CITED1: variants seen among roughly 807,000 people sequenced by gnomAD.
CITED1 encodes the protein Cbp/p300 interacting transactivator with ED-rich tail 1.
Under a neutral mutation model 8.5 loss-of-function variants are expected in CITED1, and 3 were observed. The observed-to-expected ratio is 0.35, with a 90% CI of 0.16 to 0.91. CITED1 has a LOEUF of 0.91. CITED1 is among the 40% of genes least tolerant of loss of function. CITED1 has a pLI of 0.46. For missense variants in CITED1, 113 were observed against 154.8 expected (o/e 0.73, Z 1.43); for synonymous variants, 54 against 67.4 (o/e 0.80, Z 0.97).
At chrX:72,305,465 C>A (rs1378055412) in intron 1 of CITED1, 2 of 487,109 alleles carry the variant, frequency 4.1e-6, no homozygotes, top group African/African-American at 4.8e-5. Flanking sequence ...GCCCTCCTCG[C>A]CGCATCCCAG....
At chrX:72,302,703 G>T in intron 2 of CITED1, 107 bp downstream of exon 2, 1 of 694,696 alleles carries the variant, frequency 1.4e-6, no homozygotes, top group Non-Finnish European at 2.2e-6. Flanking sequence ...TAGTCCTGTT[G>T]TCTCCTCTCT....
rs1450127119 is a variant in CITED1 at position 72,302,065 on chromosome X, G to A, written c.240C>T (p.Pro80=). 1.7e-6 allele frequency: 2 copies of A among 1,192,754 alleles called. No individual in the cohort carries two copies. Among genetic ancestry groups the A allele is most frequent in the East Asian group, 3.0e-5 (1 of 33,051 alleles). ...GGGCGGGGTGCAGGTTGAAGGATGG[G>A]GGTTTAGTGGGAGGGGTGGTTGTAG... ...GSPTTTPPTK[P]PSFNLHPAPH... is the part of the protein sequence containing the mutation. Residue 80 remains proline (P), a synonymous_variant, in exon 3 of 3, where the codon CCC becomes CCT. Transcript: ENST00000651998.
At chrX:72,302,639 T>C (rs2043300350) in intron 2 of CITED1, among the ~76,000 whole-genome samples, 171 bp downstream of exon 2, 1 of 112,503 alleles carries the variant, frequency 8.9e-6, no homozygotes, top group Non-Finnish European at 1.9e-5. Flanking sequence ...ACACCCCTAG[T>C]GGGTTCAATC....
upstream of CITED1, chrX:72,306,954 G>T (rs913355191): frequency 9.2e-6 from 1 of 108,603 alleles, no homozygotes; most frequent in African/African-American, 3.4e-5. Context: ...TTTATAACCG[G>T]CTTAGGGCAT....
Position 72,302,817 on chromosome X carries a change from G to A in CITED1, c.53C>T (p.Ala18Val), listed in dbSNP as rs1310006723. ...TAAAATGGCAAAAATTACCTCCTTCGCAGGTGAGGTGCCACCCTTGACATC... is the reference window on the plus strand; with the variant it reads ...TAAAATGGCAAAAATTACCTCCTTCACAGGTGAGGTGCCACCCTTGACATC... ...ALDVKGGTSP[A>V]KEDANQEMSS... The change falls in exon 2 of 3, where the codon GCG becomes GTG. Residue 18 changes from alanine to valine, a missense_variant. Coordinates refer to ENST00000651998, the MANE Select transcript of CITED1 (RefSeq NM_001144887.2). 5.0e-6 allele frequency: 6 copies of A among 1,206,977 alleles called. No homozygotes were observed. The highest frequency in any genetic ancestry group is 3.0e-5 in the East Asian group (1 of 33,744).
rs762105728 is a variant in CITED1, at chrX:72,302,228, A to G, written c.77T>C (p.Met26Thr). Residue 26 changes from methionine (M) to threonine (T), a missense_variant, in exon 3 of 3, where the codon ATG becomes ACG. Physicochemically the swap from Met to Thr is moderately conservative, Grantham distance 81. Transcript: ENST00000651998. Reference sequence around the variant, plus strand: ...AAGGTTGGAGTAGGCCACGGAGCTCATCTCTTGGTTGGCATCCTAGAAGAC... The same window carrying G: ...AAGGTTGGAGTAGGCCACGGAGCTCGTCTCTTGGTTGGCATCCTAGAAGAC... ...SPAKEDANQEMSSVAYSNLAV... is the reference protein window; with the variant it reads ...SPAKEDANQETSSVAYSNLAV... 8.3e-7 allele frequency: 1 copy of G among 1,206,125 alleles called. No individual in the cohort carries two copies. Among genetic ancestry groups the G allele is most frequent in the Non-Finnish European group, 1.1e-6 (1 of 891,986 alleles).
At position 72,302,919 on chromosome X, in the gene CITED1, A is replaced by C. The variant is rs1602478365; in HGVS notation, c.-50T>G. On this transcript the variant is annotated 5_prime_UTR_variant, in exon 2 of 3. Coordinates refer to ENST00000651998, the MANE Select transcript of CITED1 (RefSeq NM_001144887.2). ...TAAATTGGCGGGAAGTGATGCTGCC[A>C]GCTGGAGCTGTTGTGCTGCAAGTGA... 1 of 1,210,457 alleles carries C rather than the reference A, an allele frequency of 8.3e-7. No individual in the cohort carries two copies. The highest frequency in any genetic ancestry group is 1.7e-5 in the African/African-American group (1 of 57,979).
chrX:72,305,128 C>T (rs913022868), intron 1 of CITED1, among the ~76,000 whole-genome samples: 2 of 112,552 alleles, frequency 1.8e-5, no homozygotes, highest in African/African-American at 6.5e-5. Flanking sequence ...GGCGGCCCCC[C>T]GGCCACCAGT....
intron 1 of CITED1, chrX:72,305,369 G>A: frequency 2.8e-6 from 3 of 1,085,319 alleles, no homozygotes; most frequent in Non-Finnish European, 2.5e-6. Flanking sequence ...AAACAGCACT[G>A]CGGCTTGGCT....
At chrX:72,306,031 T>C (rs1203504795), upstream of CITED1, 1 of 111,384 alleles carries the variant, frequency 9.0e-6, no homozygotes, top group Non-Finnish European at 1.9e-5. Context: ...AGAGGCAAGT[T>C]GCCCAAATTC....
Position 72,302,942 on chromosome X carries a change from T to A in CITED1, c.-65-8A>T, listed in dbSNP as rs781028604. ...CCAGCTGGAGCTGTTGTGCTGCAAGTGAGGAAGAAGCAGTGGTAAGGGCAA... is the reference window on the plus strand; with the variant it reads ...CCAGCTGGAGCTGTTGTGCTGCAAGAGAGGAAGAAGCAGTGGTAAGGGCAA... On this transcript the variant is annotated splice_region_variant and splice_polypyrimidine_tract_variant and intron_variant, in intron 1 of 2. Transcript: ENST00000651998. The A allele has an allele frequency of 8.3e-7, 1 of 1,206,051 alleles. No individual in the cohort carries two copies. Among genetic ancestry groups the A allele is most frequent in the Non-Finnish European group, 1.1e-6 (1 of 892,715 alleles).
At chrX:72,304,516 A>G (rs2043317420) in intron 1 of CITED1, among the ~76,000 whole-genome samples, 1 of 111,171 alleles carries the variant, frequency 9.0e-6, no homozygotes, top group African/African-American at 3.3e-5. Flanking sequence ...TCAGTATCAG[A>G]CAATTTTCCT....
rs1204219866 is a variant in CITED1 at position 72,301,971 on chromosome X, G to T, written c.334C>A (p.Pro112Thr). 8.3e-7 allele frequency: 1 copy of T among 1,211,795 alleles called. No individual in the cohort carries two copies. The highest frequency in any genetic ancestry group is 1.1e-6 in the Non-Finnish European group (1 of 895,437). Residue 112 changes from proline to threonine, a missense_variant, in exon 3 of 3, where the codon CCA becomes ACA. Coordinates refer to ENST00000651998, the MANE Select transcript of CITED1 (RefSeq NM_001144887.2). Reference protein sequence around the residue: ...SQYQGMAAATPGQPGEAGPLQ... With the variant: ...SQYQGMAAATTGQPGEAGPLQ... ...GGTCCTGCCTCCCCGGGTTGGCCTG[G>T]AGTGGCAGCAGCCATCCCCTGATAC...
rs1248331708 is a variant in CITED1, at chrX:72,302,080, G to A, written c.225C>T (p.Thr75=). 1 of 1,189,832 alleles carries A rather than the reference G, an allele frequency of 8.4e-7. No individual in the cohort carries two copies. Among genetic ancestry groups the A allele is most frequent in the African/African-American group, 1.7e-5 (1 of 57,484 alleles). ...TGAAGGATGGGGGTTTAGTGGGAGG[G>A]GTGGTTGTAGGAGAGCCTATTGGAG... ...SGSPIGSPTT[T]PPTKPPSFNL... The change falls in exon 3 of 3, where the codon ACC becomes ACT. Residue 75 remains threonine (T), a synonymous_variant. Transcript: ENST00000651998.
chrX:72,306,386 C>T (rs2043339839), upstream of CITED1: 2 of 111,307 alleles, frequency 1.8e-5, no homozygotes, highest in South Asian at 7.2e-4. Flanking sequence ...CCCTCCGGCC[C>T]GCCTGGCGGC....
rs758955117 is a variant in CITED1 at position 72,301,745 on chromosome X, G to A, written c.560C>T (p.Ala187Val). The change falls in exon 3 of 3, where the codon GCG becomes GTG. Residue 187 changes from alanine (A) to valine (V), a missense_variant. Ala to Val is a moderately conservative substitution (Grantham distance 64, BLOSUM62 0). Coordinates refer to ENST00000651998, the MANE Select transcript of CITED1 (RefSeq NM_001144887.2). Reference sequence around the variant, plus strand: ...GCATTAGCAGCTAGATGGAAAGTCCGCAGTGAAGTCAAACTCATTCTGCCC... The same window carrying A: ...GCATTAGCAGCTAGATGGAAAGTCCACAGTGAAGTCAAACTCATTCTGCCC... ...WLGQNEFDFTADFPSSC is the reference protein window; with the variant it reads ...WLGQNEFDFTVDFPSSC 110 of 1,209,994 alleles carry A rather than the reference G, an allele frequency of 9.1e-5. No homozygotes were observed. The highest frequency in any genetic ancestry group is 1.2e-4 in the Non-Finnish European group (108 of 894,959).
chrX:72,305,336 CAGA>C (rs1569212974), intron 1 of CITED1: 1 of 1,161,681 alleles, frequency 8.6e-7, no homozygotes, highest in Admixed American at 2.6e-5. Flanking sequence ...TTTTCTCACT[CAGA>C]AGGAGAAATT....
chrX:72,302,907 A>G lies in CITED1; in HGVS notation c.-38T>C. The G allele has an allele frequency of 1.7e-6, 2 of 1,211,348 alleles. No individual in the cohort carries two copies. The highest frequency in any genetic ancestry group is 2.2e-6 in the Non-Finnish European group (2 of 895,200). ...GCAGAAGTTGGATAAATTGGCGGGA[A>G]GTGATGCTGCCAGCTGGAGCTGTTG... On this transcript the variant is annotated 5_prime_UTR_variant, in exon 2 of 3. Coordinates refer to ENST00000651998, the MANE Select transcript of CITED1 (RefSeq NM_001144887.2).
At chrX:72,303,313 G>A (rs905380712) in intron 1 of CITED1, among the ~76,000 whole-genome samples, 1 of 112,972 alleles carries the variant, frequency 8.9e-6, no homozygotes, top group Non-Finnish European at 1.9e-5. Context: ...TGGGCTACTA[G>A]CATCCAGGCT....
Sources: allele counts gnomAD v4.1 joint callset (sites outside exome capture counted in the v4.1 genomes callset), GRCh38; gene constraint gnomAD v4.1.1; transcripts MANE v1.5; gene names NCBI Gene and HGNC (gene_info 2026-07-23, HGNC 2026-07-21).